The following ULK4 variants were observed in gnomAD, a reference collection of about 807,000 sequenced individuals.
ULK4 encodes the protein inactive serine/threonine-protein kinase ULK4.
ULK4 carries 133 observed loss-of-function variants against 160.6 expected under a neutral mutation model. The observed-to-expected ratio is 0.83, with a 90% CI of 0.72 to 0.96. ULK4 has a LOEUF of 0.96. ULK4 is among the 40% of genes least tolerant of loss of function. The pLI is 0.00. For missense variants in ULK4, 1,580 were observed against 1,499.5 expected, an observed-to-expected ratio of 1.05 and a Z score of -0.89; for synonymous variants, 534 against 539.8, an observed-to-expected ratio of 0.99 and a Z score of 0.15.
At chr3:41,701,654 G>T (rs954215196) in intron 27 of ULK4, among the ~76,000 whole-genome samples, 2 of 152,086 alleles carry the variant, frequency 1.3e-5, no homozygotes, top group African/African-American at 4.8e-5. Context: ...GTAAATACGT[G>T]AATAAATGTA....
At chr3:41,818,474 C>A (rs2041040193) in intron 19 of ULK4, among the ~76,000 whole-genome samples, 1 of 152,110 alleles carries the variant, frequency 6.6e-6, no homozygotes, top group Admixed American at 6.5e-5. Context: ...AATGTTAAAC[C>A]CAAACACGTC....
rs1238096467 is a variant in ULK4 at position 41,908,018 on chromosome 3, A to C, written c.1086-77T>G. On this transcript the variant is annotated intron_variant, in intron 11 of 36. Coordinates refer to ENST00000301831, the MANE Select transcript of ULK4 (RefSeq NM_017886.4). ...TGTTTACTGTTTTCTGGAAGAAAAC[A>C]AGTCTCATGAAAAATGGTAGAGTAT... is the stretch of plus-strand genomic sequence containing the variant. 3 of 1,057,302 alleles carry C rather than the reference A, an allele frequency of 2.8e-6. No homozygotes were observed. The Admixed American group carries it at 9.2e-5, about 33-fold the overall frequency. The allele number at this position is 1,057,302 out of a possible 1,614,324, so 65.5% of individuals were successfully genotyped here. A position where few individuals can be genotyped will look rare whatever the true frequency, so the allele number is the denominator to read the frequency against.
intron 35 of ULK4, among the ~76,000 whole-genome samples, chr3:41,371,259 G>C (rs1390560190): frequency 6.6e-6 from 1 of 152,210 alleles, no homozygotes; most frequent in African/African-American, 2.4e-5. Context: ...GGTCTGAAGA[G>C]AGCAGCGGTT....
At chr3:41,668,131 A>G (rs1379210285) in intron 29 of ULK4, among the ~76,000 whole-genome samples, 2 of 152,214 alleles carry the variant, frequency 1.3e-5, no homozygotes, top group East Asian at 3.9e-4. Context: ...AAAGAAGTCC[A>G]TTCTGCAGGG....
At chr3:41,921,582 TC>T (rs2148814218) in intron 5 of ULK4, among the ~76,000 whole-genome samples, 1 of 152,150 alleles carries the variant, frequency 6.6e-6, no homozygotes, top group African/African-American at 2.4e-5. Flanking sequence ...ACCACTGCAC[TC>T]CAGCCTGGAC....
intron 22 of ULK4, among the ~76,000 whole-genome samples, chr3:41,728,206 G>A (rs1265630037): frequency 1.3e-5 from 2 of 152,168 alleles, no homozygotes; most frequent in Non-Finnish European, 1.5e-5. Context: ...GTCCATCTGT[G>A]TCACTATAAA....
chr3:41,590,300 C>A (rs2031189621), intron 31 of ULK4, among the ~76,000 whole-genome samples: 1 of 151,372 alleles, frequency 6.6e-6, no homozygotes, highest in South Asian at 2.1e-4. Context: ...CCGCGCCCGG[C>A]CCCCAAATGC....
At chr3:41,961,587 G>C (rs1700675449) in intron 1 of ULK4, among the ~76,000 whole-genome samples, 1 of 121,052 alleles carries the variant, frequency 8.3e-6, no homozygotes, top group South Asian at 2.3e-4. Context: ...CAGGCAACTC[G>C]CGGCGGGCGA....
At chr3:41,732,048 A>G (rs1462221576) in intron 22 of ULK4, among the ~76,000 whole-genome samples, 2 of 152,152 alleles carry the variant, frequency 1.3e-5, no homozygotes, top group Non-Finnish European at 2.9e-5. Flanking sequence ...ATACATAGGG[A>G]AACTGCTTCA....
intron 32 of ULK4, among the ~76,000 whole-genome samples, chr3:41,540,087 T>C (rs1341005798): frequency 6.6e-6 from 1 of 152,128 alleles, no homozygotes; most frequent in African/African-American, 2.4e-5. Flanking sequence ...ATTATTATTA[T>C]ACTTTAAGTT....
chr3:41,746,122 C>T (rs2038409687), intron 22 of ULK4, among the ~76,000 whole-genome samples: 2 of 151,004 alleles, frequency 1.3e-5, no homozygotes, highest in Admixed American at 1.3e-4. Context: ...CATCTGTTCT[C>T]ACCACTCTTA....
At chr3:41,654,388 T>C (rs1016299247) in intron 30 of ULK4, among the ~76,000 whole-genome samples, 1 of 152,146 alleles carries the variant, frequency 6.6e-6, no homozygotes. Context: ...AAAAACAAAA[T>C]GCTAAATTTT....
intron 32 of ULK4, among the ~76,000 whole-genome samples, chr3:41,527,243 C>A (rs1036005549): frequency 7.9e-5 from 12 of 152,210 alleles, no homozygotes; most frequent in Middle Eastern, 3.2e-3. Flanking sequence ...GAGGGTTCAG[C>A]AGCTTGAGAT....
At chr3:41,742,273 A>G (rs1229073946) in intron 22 of ULK4, among the ~76,000 whole-genome samples, 1 of 151,994 alleles carries the variant, frequency 6.6e-6, no homozygotes, top group Non-Finnish European at 1.5e-5. Context: ...CAGTTACCCA[A>G]TTCCCCTGGA....
rs762653651 is a variant in ULK4, at chr3:41,566,041, T to G, written c.3210A>C (p.Glu1070Asp). 6.2e-7 allele frequency: 1 copy of G among 1,613,558 alleles called. No individual in the cohort carries two copies. The highest frequency in any genetic ancestry group is 8.5e-7 in the Non-Finnish European group (1 of 1,179,738). Residue 1070 changes from glutamate to aspartate, a missense_variant, in exon 32 of 37, where the codon GAA becomes GAC. Physicochemically the swap from Glu to Asp is conservative, Grantham distance 45. Transcript: ENST00000301831. Reference protein sequence around the residue: ...NLVACKDSNMELLYEQGLVSH... With the variant: ...NLVACKDSNMDLLYEQGLVSH... The stretch of plus-strand genomic sequence containing the variant: ...GGCATTTACCTTGTTCATAAAGTAG[T>G]TCCATATTCGAATCTTTGCAGGCAA...
intron 35 of ULK4, among the ~76,000 whole-genome samples, chr3:41,378,202 C>T (rs1677838282): frequency 7.9e-6 from 1 of 126,412 alleles, no homozygotes; most frequent in African/African-American, 3.1e-5. Flanking sequence ...GGAAGGGGAA[C>T]ATCACACTCG....
chr3:41,899,291 A>G (rs1297549307), intron 13 of ULK4: 3 of 152,236 alleles, frequency 2.0e-5, no homozygotes, highest in African/African-American at 7.2e-5. Context: ...TTTGCTAACT[A>G]TACTACAGAC....
intron 31 of ULK4, among the ~76,000 whole-genome samples, chr3:41,575,546 C>A (rs2088160065): frequency 3.3e-5 from 5 of 152,194 alleles, no homozygotes; most frequent in Admixed American, 3.3e-4. Flanking sequence ...CATTTGAAGG[C>A]TTCCTCCACC....
intron 30 of ULK4, among the ~76,000 whole-genome samples, chr3:41,645,425 T>C (rs2034437932): frequency 6.6e-6 from 1 of 152,316 alleles, no homozygotes; most frequent in South Asian, 2.1e-4. Flanking sequence ...AGAACATCTT[T>C]ATTTCTGCCT....
Sources: allele counts gnomAD v4.1 joint callset (sites outside exome capture counted in the v4.1 genomes callset), GRCh38; gene constraint gnomAD v4.1.1; transcripts MANE v1.5; gene names NCBI Gene and HGNC (gene_info 2026-07-23, HGNC 2026-07-21).